Variants in CDH13 observed in about 807,000 individuals in gnomAD.
The protein encoded by CDH13 is cadherin-13.
In CDH13, 24 loss-of-function variants were observed where a neutral mutation model predicts 63.8. That is an observed-to-expected ratio of 0.38 (90% confidence interval 0.27 to 0.53). The LOEUF (loss-of-function observed/expected upper bound fraction) is 0.53. CDH13 is among the 20% of genes least tolerant of loss of function. The pLI, the probability that CDH13 is intolerant of heterozygous loss-of-function variation, is 0.85. For synonymous variants in CDH13, 503 were observed against 355.3 expected, an observed-to-expected ratio of 1.42 and a Z score of -4.67; for missense variants, 1,049 against 903.1, an observed-to-expected ratio of 1.16 and a Z score of -2.07.
At chr16:83,444,624 G>A (rs1023667107) in intron 6 of CDH13, among the ~76,000 whole-genome samples, 1 of 152,184 alleles carries the variant, frequency 6.6e-6, no homozygotes, top group Non-Finnish European at 1.5e-5. Context: ...GAATTTTCAG[G>A]GCCATCATTG....
At chr16:82,924,796 AT>A (rs1393658749) in intron 2 of CDH13, among the ~76,000 whole-genome samples, 29 of 152,164 alleles carry the variant, frequency 1.9e-4, no homozygotes, top group Admixed American at 1.1e-3. Context: ...GCTTTGAGCA[AT>A]GGAACCAGCT....
intron 4 of CDH13, among the ~76,000 whole-genome samples, chr16:83,183,740 G>A (rs1053755496): frequency 2.0e-5 from 3 of 152,176 alleles, no homozygotes; most frequent in Admixed American, 1.3e-4. Flanking sequence ...TTGGAAAAGC[G>A]AGTGGTAGTC....
intron 5 of CDH13, among the ~76,000 whole-genome samples, chr16:83,224,466 G>A (rs186783322): frequency 2.2e-3 from 332 of 152,308 alleles, no homozygotes; most frequent in African/African-American, 7.6e-3. Flanking sequence ...ACACCTAGGA[G>A]ACTGTGTTCT....
chr16:83,238,588 C>G (rs181700993), intron 5 of CDH13, among the ~76,000 whole-genome samples: 82 of 152,292 alleles, frequency 5.4e-4, no homozygotes, highest in African/African-American at 1.9e-3. Context: ...TGATGGATTT[C>G]TATGTCCATA....
At chr16:83,117,473 C>T (rs370660606) in intron 3 of CDH13, among the ~76,000 whole-genome samples, 1 of 152,096 alleles carries the variant, frequency 6.6e-6, no homozygotes. Flanking sequence ...TGAGCACTTC[C>T]AGCCCTCCTC....
In CDH13 at chr16:83,014,771, TA is replaced by T. The variant is rs1567745695; in HGVS notation, c.158-17238del. Reference sequence around the variant, plus strand: ...ATATATATATATATATATATATATATATATGTATATATATATATTTGTATAT... The same window carrying T: ...ATATATATATATATATATATATATATTATGTATATATATATATTTGTATAT... On this transcript the variant is annotated intron_variant, in intron 2 of 13. Transcript: ENST00000567109. Among the ~76,000 whole-genome samples, 129 of 37,704 alleles carry T rather than the reference TA, an allele frequency of 3.4e-3. 1 individual carries two copies. Among genetic ancestry groups the T allele is most frequent in the Middle Eastern group, 0.012 (1 of 82 alleles). The allele number at this position is 37,704 out of a possible 152,430, so 24.7% of individuals were successfully genotyped here.
chr16:83,598,333 C>G (rs573388369), intron 7 of CDH13, among the ~76,000 whole-genome samples: 45 of 152,130 alleles, frequency 3.0e-4, no homozygotes, highest in African/African-American at 1.1e-3. Flanking sequence ...TCACTGCACT[C>G]CAGCCTGAAC....
chr16:83,182,755 C>T (rs1039135546), intron 4 of CDH13, among the ~76,000 whole-genome samples: 11 of 152,012 alleles, frequency 7.2e-5, no homozygotes, highest in Non-Finnish European at 1.5e-4. Flanking sequence ...TGGGAATGAG[C>T]GAAAACCAAA....
At chr16:82,820,231 T>C (rs375045931) in intron 1 of CDH13, among the ~76,000 whole-genome samples, 73 of 152,282 alleles carry the variant, frequency 4.8e-4, no homozygotes, top group African/African-American at 1.7e-3. Flanking sequence ...AAATAGTCAA[T>C]AGTGAATGGA....
At chr16:82,761,429 G>A (rs1280482831) in intron 1 of CDH13, among the ~76,000 whole-genome samples, 1 of 152,198 alleles carries the variant, frequency 6.6e-6, no homozygotes, top group East Asian at 1.9e-4. Context: ...GTCACAGAGT[G>A]TGGGGCAGCC....
chr16:82,761,461 G>T (rs1408678313), intron 1 of CDH13, among the ~76,000 whole-genome samples: 2 of 152,292 alleles, frequency 1.3e-5, no homozygotes, highest in East Asian at 3.9e-4. Flanking sequence ...GATGTTCAGA[G>T]TCAGTGCTGT....
intron 4 of CDH13, among the ~76,000 whole-genome samples, chr16:83,182,301 C>T (rs1597478465): frequency 6.6e-6 from 1 of 152,186 alleles, no homozygotes; most frequent in Non-Finnish European, 1.5e-5. Context: ...CTCTGGTCTC[C>T]AGCTAAGGCC....
chr16:83,298,326 G>A lies in CDH13; in HGVS notation c.637-46536G>A, dbSNP rs192215151. Among the ~76,000 whole-genome samples, 6 of 152,166 alleles carry A rather than the reference G, an allele frequency of 3.9e-5. No homozygotes were observed. In the East Asian group the frequency reaches 1.2e-3, roughly 29 times the overall value. ...AGTGAGGGAGGGAACATCAGTGCAGGTAAAATATTATTTTTCTTAGAATGA... is the reference window on the plus strand; with the variant it reads ...AGTGAGGGAGGGAACATCAGTGCAGATAAAATATTATTTTTCTTAGAATGA... On this transcript the variant is annotated intron_variant, in intron 5 of 13. Transcript: ENST00000567109.
At position 83,128,668 on chromosome 16, in the gene CDH13, G is replaced by A. The variant is rs117356019; in HGVS notation, c.483+3167G>A. On this transcript the variant is annotated intron_variant, in intron 4 of 13. Coordinates refer to ENST00000567109, the MANE Select transcript of CDH13 (RefSeq NM_001257.5). The stretch of plus-strand genomic sequence containing the variant: ...CTTCAATTACACACAATTTCCTCCG[G>A]GGTATATTTGGGTGAATTTTCTCAC... 5.9e-5 allele frequency among the ~76,000 whole-genome samples: 9 copies of A among 152,278 alleles called. No individual in the cohort carries two copies. The East Asian group carries it at 1.7e-3, about 29-fold the overall frequency.
chr16:83,395,349 AG>A (rs1420314253), intron 6 of CDH13, among the ~76,000 whole-genome samples: 1 of 151,918 alleles, frequency 6.6e-6, no homozygotes, highest in Non-Finnish European at 1.5e-5. Flanking sequence ...CAAATACTCA[AG>A]GCTCCTAGTG....
chr16:83,583,039 G>A (rs1283502309), intron 7 of CDH13, among the ~76,000 whole-genome samples: 1 of 152,172 alleles, frequency 6.6e-6, no homozygotes, highest in Non-Finnish European at 1.5e-5. Context: ...GGTAGGCCTT[G>A]CTGTCTCTCG....
chr16:83,377,811 T>G (rs373493593), intron 6 of CDH13, among the ~76,000 whole-genome samples: 5 of 152,246 alleles, frequency 3.3e-5, no homozygotes, highest in African/African-American at 1.2e-4. Flanking sequence ...TTGGTCTTTG[T>G]TCTGGTGTTA....
At chr16:82,789,891 C>T (rs1356586065) in intron 1 of CDH13, among the ~76,000 whole-genome samples, 1 of 152,132 alleles carries the variant, frequency 6.6e-6, no homozygotes, top group African/African-American at 2.4e-5. Flanking sequence ...GGGCACGCTC[C>T]TGCGGAGGAA....
chr16:83,504,085 A>G (rs1471458745), intron 7 of CDH13, among the ~76,000 whole-genome samples: 1 of 152,172 alleles, frequency 6.6e-6, no homozygotes, highest in Non-Finnish European at 1.5e-5. Flanking sequence ...ACAAACCTGC[A>G]CAGTCTGCAT....
Sources: allele counts gnomAD v4.1 joint callset (sites outside exome capture counted in the v4.1 genomes callset), GRCh38; gene constraint gnomAD v4.1.1; transcripts MANE v1.5; gene names NCBI Gene and HGNC (gene_info 2026-07-23, HGNC 2026-07-21).